Variants in ARHGAP42 observed in about 807,000 individuals in gnomAD.
ARHGAP42 encodes Rho GTPase activating protein 42, also known as rho GTPase-activating protein 42.
A neutral mutation model predicts 125.0 loss-of-function variants in ARHGAP42; 63 were observed. That is an observed-to-expected ratio of 0.50 (90% CI 0.41 to 0.62). ARHGAP42 has a LOEUF of 0.62. Ranked by LOEUF, ARHGAP42 falls within the 20% of genes least tolerant of loss-of-function variation. The pLI, the probability that ARHGAP42 is intolerant of heterozygous loss-of-function variation, is 0.00. For missense variants in ARHGAP42, 766 were observed against 1,024.2 expected (o/e 0.75, Z 3.44); for synonymous variants, 339 against 351.0 (o/e 0.97, Z 0.38).
intron 1 of ARHGAP42, among the ~76,000 whole-genome samples, chr11:100,725,071 T>C (rs1861830952): frequency 6.6e-6 from 1 of 152,180 alleles, no homozygotes; most frequent in Non-Finnish European, 1.5e-5. Context: ...CTACGACCTG[T>C]ATGTCCTTTT....
At chr11:100,821,946 C>A (rs1864414292) in intron 3 of ARHGAP42, among the ~76,000 whole-genome samples, 1 of 152,102 alleles carries the variant, frequency 6.6e-6, no homozygotes, top group Admixed American at 6.6e-5. Context: ...TTGTACGTTT[C>A]TTTCGATTTC....
At chr11:100,891,492 G>T (rs1866217852) in intron 4 of ARHGAP42, among the ~76,000 whole-genome samples, 1 of 148,806 alleles carries the variant, frequency 6.7e-6, no homozygotes, top group Admixed American at 6.8e-5. Context: ...ACCCAGGCTG[G>T]AGTGCAATGG....
At chr11:100,689,452 T>C (rs947356772) in intron 1 of ARHGAP42, among the ~76,000 whole-genome samples, 2 of 152,178 alleles carry the variant, frequency 1.3e-5, no homozygotes, top group African/African-American at 2.4e-5. Flanking sequence ...TGAGATAAAC[T>C]TTAGTGTTTC....
chr11:100,903,712 ATATATATATATATAT>A lies in ARHGAP42; in HGVS notation c.385-9739_385-9725del, dbSNP rs1866632006. Reference sequence around the variant, plus strand: ...TATATATATACATGTCCCTCAAAATATATATATATATATATATATATATATATATATATATATATA... The same window carrying A: ...TATATATATACATGTCCCTCAAAATAATATATATATATATATATATATATA... On this transcript the variant is annotated intron_variant, in intron 4 of 23. Transcript: ENST00000298815. Among the ~76,000 whole-genome samples the A allele has an allele frequency of 6.3e-3, 210 of 33,420 alleles. 13 individuals are homozygous for A. Among genetic ancestry groups the A allele is most frequent in the African/African-American group, 0.015 (193 of 13,190 alleles). The allele number at this position is 33,420 out of a possible 152,430, so 21.9% of individuals were successfully genotyped here. A position where few individuals can be genotyped will look rare whatever the true frequency, so the allele number is the denominator to read the frequency against.
chr11:100,814,458 A>C (rs1251873818), intron 3 of ARHGAP42, among the ~76,000 whole-genome samples: 1 of 152,142 alleles, frequency 6.6e-6, no homozygotes, highest in East Asian at 1.9e-4. Flanking sequence ...AATAATGATT[A>C]TATCCATTTC....
At chr11:100,870,893 T>C (rs1214593315) in intron 4 of ARHGAP42, among the ~76,000 whole-genome samples, 1 of 151,724 alleles carries the variant, frequency 6.6e-6, no homozygotes, top group Non-Finnish European at 1.5e-5. Context: ...GATTGGTTGT[T>C]GAGAAAACAC....
chr11:100,756,130 A>C (rs1036290098), intron 1 of ARHGAP42, among the ~76,000 whole-genome samples: 3 of 150,956 alleles, frequency 2.0e-5, no homozygotes, highest in African/African-American at 7.3e-5. Flanking sequence ...TCATGCCTGT[A>C]ATCTCAGCAC....
chr11:100,879,942 C>T (rs1033995283), intron 4 of ARHGAP42, among the ~76,000 whole-genome samples: 1 of 152,158 alleles, frequency 6.6e-6, no homozygotes, highest in African/African-American at 2.4e-5. Flanking sequence ...AGTCATTGAA[C>T]CCTCATCCCT....
chr11:100,892,737 A>G (rs772644270), intron 4 of ARHGAP42, among the ~76,000 whole-genome samples: 2 of 152,202 alleles, frequency 1.3e-5, no homozygotes, highest in Non-Finnish European at 2.9e-5. Flanking sequence ...CCTTAAAATA[A>G]AAGCACATTT....
intron 4 of ARHGAP42, among the ~76,000 whole-genome samples, chr11:100,872,221 A>G (rs186823018): frequency 1.6e-4 from 25 of 152,328 alleles, no homozygotes; most frequent in East Asian, 3.9e-4. Context: ...ATTGATCAGT[A>G]AAATTATTTA....
chr11:100,980,602 C>A (rs1472652189), intron 22 of ARHGAP42, among the ~76,000 whole-genome samples: 1 of 68,312 alleles, frequency 1.5e-5, no homozygotes, highest in Non-Finnish European at 3.0e-5. Context: ...GAAAGAGCCT[C>A]GCTCTGTCAC....
At chr11:100,810,099 A>G (rs1017114264) in intron 3 of ARHGAP42, among the ~76,000 whole-genome samples, 1 of 152,186 alleles carries the variant, frequency 6.6e-6, no homozygotes, top group African/African-American at 2.4e-5. Flanking sequence ...ATAGATGTAA[A>G]TTAATTATAT....
intron 22 of ARHGAP42, among the ~76,000 whole-genome samples, chr11:100,983,194 G>T (rs972901523): frequency 2.0e-5 from 3 of 151,942 alleles, no homozygotes; most frequent in Admixed American, 6.6e-5. Flanking sequence ...TATATTTATT[G>T]ATATTTACTG....
chr11:100,763,785 C>T (rs765387900), intron 1 of ARHGAP42, among the ~76,000 whole-genome samples: 5 of 151,998 alleles, frequency 3.3e-5, no homozygotes, highest in East Asian at 1.9e-4. Context: ...CCACCGTGCC[C>T]GGCTCCTTTG....
intron 1 of ARHGAP42, among the ~76,000 whole-genome samples, chr11:100,725,378 T>G (rs1304736230): frequency 6.6e-6 from 1 of 151,200 alleles, no homozygotes. Context: ...ACCATGTTGG[T>G]CAGGCTGGTC....
At chr11:100,763,575 C>T (rs1411625755) in intron 1 of ARHGAP42, among the ~76,000 whole-genome samples, 2 of 152,016 alleles carry the variant, frequency 1.3e-5, no homozygotes, top group African/African-American at 4.8e-5. Flanking sequence ...GCAACCTCCG[C>T]CCCCCGGGTT....
intron 3 of ARHGAP42, among the ~76,000 whole-genome samples, chr11:100,799,344 T>C (rs1863797118): frequency 6.6e-6 from 1 of 152,174 alleles, no homozygotes; most frequent in Non-Finnish European, 1.5e-5. Context: ...TAGAAATGTG[T>C]ATACTTTTAT....
chr11:100,797,985 C>T (rs915835482), intron 3 of ARHGAP42, among the ~76,000 whole-genome samples: 1 of 152,124 alleles, frequency 6.6e-6, no homozygotes, highest in Non-Finnish European at 1.5e-5. Flanking sequence ...AGGTTCAAGA[C>T]TCAGTGGAGT....
At chr11:100,878,987 T>TC (rs1865890251) in intron 4 of ARHGAP42, among the ~76,000 whole-genome samples, 1 of 151,094 alleles carries the variant, frequency 6.6e-6, no homozygotes, top group African/African-American at 2.4e-5. Flanking sequence ...GAACAATTTT[T>TC]TTTTTTTCAA....
Sources: allele counts gnomAD v4.1 joint callset (sites outside exome capture counted in the v4.1 genomes callset), GRCh38; gene constraint gnomAD v4.1.1; transcripts MANE v1.5; gene names NCBI Gene and HGNC (gene_info 2026-07-23, HGNC 2026-07-21).